Variants in VEPH1 observed in about 807,000 individuals in gnomAD.
VEPH1 encodes the protein ventricular zone expressed PH domain containing 1.
A neutral mutation model predicts 85.2 loss-of-function variants in VEPH1; 80 were observed. That is an observed-to-expected ratio of 0.94 (90% CI 0.78 to 1.13). VEPH1 has a LOEUF of 1.13. VEPH1 is among the 50% of genes most tolerant of loss of function. The pLI is 0.00. For synonymous variants in VEPH1, 297 were observed against 348.0 expected (o/e 0.85, Z 1.63); for missense variants, 955 against 980.5 (o/e 0.97, Z 0.35).
chr3:157,390,217 A>T (rs1577539315), intron 6 of VEPH1, among the ~76,000 whole-genome samples: 1 of 152,234 alleles, frequency 6.6e-6, no homozygotes, highest in Non-Finnish European at 1.5e-5. Context: ...AGACAAAAAA[A>T]GTTTGAACAA....
chr3:157,265,282 C>T (rs1040620979), intron 13 of VEPH1, among the ~76,000 whole-genome samples: 1 of 152,078 alleles, frequency 6.6e-6, no homozygotes, highest in Non-Finnish European at 1.5e-5. Context: ...ACTTGCAGTC[C>T]CTCTGCAGTT....
At chr3:157,282,647 G>A (rs555403681) in intron 12 of VEPH1, among the ~76,000 whole-genome samples, 11 of 152,336 alleles carry the variant, frequency 7.2e-5, no homozygotes, top group South Asian at 4.1e-4. Flanking sequence ...ATGAGTGAAA[G>A]TCATGACCCA....
chr3:157,439,496 AAG>A (rs1157252094), intron 4 of VEPH1, among the ~76,000 whole-genome samples: 1 of 152,180 alleles, frequency 6.6e-6, no homozygotes, highest in Non-Finnish European at 1.5e-5. Flanking sequence ...GCCATTTCAT[AAG>A]AGAGTTTCTG....
intron 9 of VEPH1, among the ~76,000 whole-genome samples, chr3:157,360,640 C>T (rs1725955210): frequency 6.6e-6 from 1 of 152,046 alleles, no homozygotes; most frequent in African/African-American, 2.4e-5. Flanking sequence ...CCTAGCCTAG[C>T]CTACCTTAAA....
chr3:157,268,758 G>A (rs1714099235), intron 12 of VEPH1, among the ~76,000 whole-genome samples: 1 of 151,898 alleles, frequency 6.6e-6, no homozygotes, highest in African/African-American at 2.4e-5. Flanking sequence ...TTTTTGTTTT[G>A]TTTTCCTAAG....
intron 11 of VEPH1, among the ~76,000 whole-genome samples, chr3:157,301,135 A>G (rs1559936980): frequency 6.6e-6 from 1 of 152,174 alleles, no homozygotes. Flanking sequence ...TAGCATTGCA[A>G]GCCTTATCCA....
chr3:157,353,189 C>G (rs996064694), intron 9 of VEPH1, among the ~76,000 whole-genome samples: 1 of 152,186 alleles, frequency 6.6e-6, no homozygotes. Flanking sequence ...AATTTCCAAA[C>G]CTTGCAGAAA....
At chr3:157,406,055 T>C (rs1170500658) in intron 6 of VEPH1, among the ~76,000 whole-genome samples, 2 of 152,186 alleles carry the variant, frequency 1.3e-5, no homozygotes, top group African/African-American at 2.4e-5. Flanking sequence ...TTATTACTAA[T>C]ATTATTTACA....
At chr3:157,316,956 G>T (rs904484665) in intron 10 of VEPH1, 106 bp downstream of exon 10, 1 of 1,194,976 alleles carries the variant, frequency 8.4e-7, no homozygotes. Flanking sequence ...ATGTATTGCT[G>T]TTATCTACAT....
At chr3:157,352,643 C>T (rs1412061820) in intron 9 of VEPH1, among the ~76,000 whole-genome samples, 1 of 152,188 alleles carries the variant, frequency 6.6e-6, no homozygotes, top group Admixed American at 6.5e-5. Context: ...TTGTTTTTTA[C>T]TTTACATTGG....
intron 6 of VEPH1, among the ~76,000 whole-genome samples, chr3:157,402,610 G>A (rs534030223): frequency 2.6e-5 from 4 of 152,220 alleles, no homozygotes; most frequent in East Asian, 3.9e-4. Flanking sequence ...ATTGTTAGAT[G>A]TTTAGACCTT....
intron 6 of VEPH1, 56 bp from the exon 7 acceptor site, chr3:157,381,432 A>G: frequency 6.4e-7 from 1 of 1,566,456 alleles, no homozygotes; most frequent in Non-Finnish European, 8.8e-7. Flanking sequence ...TCATCCAGGC[A>G]TGGTGGTCAT....
intron 12 of VEPH1, among the ~76,000 whole-genome samples, chr3:157,272,916 T>G (rs958694926): frequency 6.6e-6 from 1 of 152,226 alleles, no homozygotes; most frequent in African/African-American, 2.4e-5. Flanking sequence ...TTGACAGATC[T>G]GCTTTTGACT....
Position 157,261,089 on chromosome 3 carries a change from T to C in VEPH1, c.*45A>G, listed in dbSNP as rs1339887095. The C allele has an allele frequency of 3.7e-6, 6 of 1,604,182 alleles. No individual in the cohort carries two copies. Among genetic ancestry groups the C allele is most frequent in the Non-Finnish European group, 5.1e-6 (6 of 1,174,176 alleles). ...TTTTTCTTGACATTGGCAATGATAATACAATGCCTGTGGTGTATAATTGTC... is the reference window on the plus strand; with the variant it reads ...TTTTTCTTGACATTGGCAATGATAACACAATGCCTGTGGTGTATAATTGTC... On this transcript the variant is annotated 3_prime_UTR_variant, in exon 14 of 14. Coordinates refer to ENST00000362010, the MANE Select transcript of VEPH1 (RefSeq NM_001167912.2).
In VEPH1 at chr3:157,286,599, C is replaced by CT. The variant is rs1197218376; in HGVS notation, c.2085dup (p.Ala696SerfsTer11). 2 of 1,613,988 alleles carry CT rather than the reference C, an allele frequency of 1.2e-6. No homozygotes were observed. Among genetic ancestry groups the CT allele is most frequent in the Non-Finnish European group, 1.7e-6 (2 of 1,179,984 alleles). On this transcript the variant is annotated frameshift_variant, in exon 12 of 14. Transcript: ENST00000362010. LOFTEE classifies it high-confidence loss of function. ...TTGTTGCACATGAAGCATTGCCATGCTCCTGCTGTTTCACTGAAGCCAAAC... is the reference window on the plus strand; with the variant it reads ...TTGTTGCACATGAAGCATTGCCATGCTTCCTGCTGTTTCACTGAAGCCAAAC...
At chr3:157,480,648 G>A (rs1737954071) in intron 2 of VEPH1, among the ~76,000 whole-genome samples, 1 of 152,084 alleles carries the variant, frequency 6.6e-6, no homozygotes, top group Non-Finnish European at 1.5e-5. Flanking sequence ...TTATGGCTGT[G>A]CAGTATGCCA....
At chr3:157,372,589 G>T (rs1252691296) in intron 7 of VEPH1, among the ~76,000 whole-genome samples, 3 of 152,096 alleles carry the variant, frequency 2.0e-5, no homozygotes, top group Non-Finnish European at 4.4e-5. Flanking sequence ...CTTTCCTTTA[G>T]GTCCCAGAAG....
At chr3:157,367,008 G>A (rs1197415354) in intron 7 of VEPH1, among the ~76,000 whole-genome samples, 2 of 152,120 alleles carry the variant, frequency 1.3e-5, no homozygotes, top group African/African-American at 2.4e-5. Context: ...TCACCTGTAG[G>A]TCCAGCCCAG....
chr3:157,485,205 G>A (rs1342658922), intron 2 of VEPH1, among the ~76,000 whole-genome samples: 2 of 152,104 alleles, frequency 1.3e-5, no homozygotes, highest in African/African-American at 4.8e-5. Flanking sequence ...TTATAGTCTA[G>A]TAGTTTTGAA....
Sources: allele counts gnomAD v4.1 joint callset (sites outside exome capture counted in the v4.1 genomes callset), GRCh38; gene constraint gnomAD v4.1.1; transcripts MANE v1.5; gene names NCBI Gene and HGNC (gene_info 2026-07-23, HGNC 2026-07-21).